ZYG11A: variants seen among roughly 807,000 people sequenced by gnomAD.
ZYG11A encodes the protein protein zyg-11 homolog A.
ZYG11A carries 62 observed loss-of-function variants against 77.2 expected under a neutral mutation model. That is an observed-to-expected ratio of 0.80 (90% CI 0.65 to 0.99). ZYG11A has a LOEUF of 0.99. Ranked by LOEUF, ZYG11A falls within the 50% of genes least tolerant of loss-of-function variation. ZYG11A has a pLI of 0.00. For synonymous variants in ZYG11A, 315 were observed against 324.6 expected, an observed-to-expected ratio of 0.97 and a Z score of 0.32; for missense variants, 828 against 896.8, an observed-to-expected ratio of 0.92 and a Z score of 0.98.
intron 1 of ZYG11A, among the ~76,000 whole-genome samples, chr1:52,847,480 A>C (rs909212290): frequency 6.7e-6 from 1 of 149,700 alleles, no homozygotes; most frequent in South Asian, 2.1e-4. Context: ...GATTACAGGC[A>C]TGACATGAGC....
At chr1:52,876,942 A>G (rs892577473) in intron 8 of ZYG11A, among the ~76,000 whole-genome samples, 2 of 152,292 alleles carry the variant, frequency 1.3e-5, no homozygotes, top group Admixed American at 1.3e-4. Flanking sequence ...ACTTCTTTCT[A>G]GAAATGTTGA....
intron 13 of ZYG11A, among the ~76,000 whole-genome samples, chr1:52,888,138 T>C (rs140273127): frequency 1.3e-5 from 2 of 152,234 alleles, no homozygotes; most frequent in East Asian, 3.9e-4. Context: ...CTTTAACAGG[T>C]AATGAGACAT....
intron 1 of ZYG11A, among the ~76,000 whole-genome samples, chr1:52,844,451 C>T (rs1645523971): frequency 6.6e-6 from 1 of 152,250 alleles, no homozygotes; most frequent in South Asian, 2.1e-4. Context: ...TACAAAAGTA[C>T]TCACACCCAT....
In ZYG11A at chr1:52,857,558, C is replaced by T; in HGVS notation, c.817C>T (p.Leu273=). 1.3e-6 allele frequency: 2 copies of T among 1,552,024 alleles called. No homozygotes were observed. The highest frequency in any genetic ancestry group is 8.7e-7 in the Non-Finnish European group (1 of 1,147,056). The change falls in exon 3 of 14, where the codon CTA becomes TTA. Residue 273 remains leucine, a synonymous_variant. Coordinates refer to ENST00000371528, the MANE Select transcript of ZYG11A (RefSeq NM_001004339.3). ...ISDHRQLKSD[L]AFHLLQQKDI... is the part of the protein sequence containing the mutation. ...TGATCACAGGCAACTCAAATCAGAC[C>T]TAGCTTTTCATTTGCTACAGCAGAA... is the stretch of plus-strand genomic sequence containing the variant.
chr1:52,875,893 G>A (rs929627992), intron 8 of ZYG11A, among the ~76,000 whole-genome samples: 22 of 151,078 alleles, frequency 1.5e-4, no homozygotes, highest in Non-Finnish European at 2.7e-4. Context: ...ACAAGATGGT[G>A]ATTCAAGTTT....
At chr1:52,881,431 C>T (rs1345821356) in intron 10 of ZYG11A, 40 bp from the exon 11 acceptor site, 1 of 1,429,662 alleles carries the variant, frequency 7.0e-7, no homozygotes, top group Non-Finnish European at 9.4e-7. Flanking sequence ...TCTCCCCTCC[C>T]TTCTTGTCTC....
intron 5 of ZYG11A, among the ~76,000 whole-genome samples, 192 bp downstream of exon 5, chr1:52,864,349 A>C (rs1188516242): frequency 6.6e-6 from 1 of 151,646 alleles, no homozygotes; most frequent in East Asian, 1.9e-4. Context: ...GGGTTCAAGC[A>C]ATTCTCCTGC....
chr1:52,890,047 CTGCT>C (rs890652790), intron 13 of ZYG11A, among the ~76,000 whole-genome samples: 1 of 138,950 alleles, frequency 7.2e-6, no homozygotes, highest in Non-Finnish European at 1.5e-5. Context: ...TTGCTCATCA[CTGCT>C]TGTTTTTTTT....
rs1222955119 is a variant in ZYG11A, at chr1:52,857,754, GTTC to G, written c.1008+8_1008+10del. On this transcript the variant is annotated splice_donor_region_variant and intron_variant, in intron 3 of 13. Coordinates refer to ENST00000371528, the MANE Select transcript of ZYG11A (RefSeq NM_001004339.3). Reference sequence around the variant, plus strand: ...ACTACAAAGCAAGGCTTGAGGGTTTGTTCTTATCTGAATAAGTTTTGTTTCATT... The same window carrying G: ...ACTACAAAGCAAGGCTTGAGGGTTTGTTATCTGAATAAGTTTTGTTTCATT... The G allele has an allele frequency of 3.3e-6, 5 of 1,523,008 alleles. No individual in the cohort carries two copies. Among genetic ancestry groups the G allele is most frequent in the Non-Finnish European group, 4.4e-6 (5 of 1,135,626 alleles). The allele number at this position is 1,523,008 out of a possible 1,614,324, so 94.3% of individuals were successfully genotyped here. A position where few individuals can be genotyped will look rare whatever the true frequency, so the allele number is the denominator to read the frequency against.
At chr1:52,846,120 C>A (rs11206033) in intron 1 of ZYG11A, among the ~76,000 whole-genome samples, 10,281 of 151,090 alleles carry the variant, frequency 0.068, 657 homozygotes, top group African/African-American at 0.17. Context: ...CTTTCTCTCC[C>A]TTTCTCCTTC....
chr1:52,858,622 T>A lies in ZYG11A; in HGVS notation c.1008+873T>A, dbSNP rs138713934. ...GCCCGGCCCGATTATTATTATTATT[T>A]TTTTTTGGAGACTGAGTTGTGCTCT... On this transcript the variant is annotated intron_variant, in intron 3 of 13. Coordinates refer to ENST00000371528, the MANE Select transcript of ZYG11A (RefSeq NM_001004339.3). Among the ~76,000 whole-genome samples the A allele has an allele frequency of 7.1e-4, 106 of 148,962 alleles. 1 individual carries two copies. The East Asian group carries it at 9.9e-3, about 14-fold the overall frequency.
intron 11 of ZYG11A, among the ~76,000 whole-genome samples, chr1:52,881,933 T>A (rs945245123): frequency 6.7e-6 from 1 of 150,082 alleles, no homozygotes; most frequent in Non-Finnish European, 1.5e-5. Flanking sequence ...AGGGTCTGTC[T>A]CCCAGGGTGG....
In ZYG11A at chr1:52,842,765, C is replaced by G; in HGVS notation, c.-119C>G. 1.0e-6 allele frequency: 1 copy of G among 963,450 alleles called. No individual in the cohort carries two copies. The highest frequency in any genetic ancestry group is 1.5e-5 in the South Asian group (1 of 64,802). The allele number at this position is 963,450 out of a possible 1,614,324, so 59.7% of individuals were successfully genotyped here. On this transcript the variant is annotated 5_prime_UTR_variant, in exon 1 of 14. Transcript: ENST00000371528. ...GCTCGCCGGCAGGGCGCGGCGCTAG[C>G]TCCGTGTGCCTCGCAGGCGTGGTGG...
At chr1:52,876,082 A>T (rs1030999897) in intron 8 of ZYG11A, among the ~76,000 whole-genome samples, 1 of 152,192 alleles carries the variant, frequency 6.6e-6, no homozygotes, top group Admixed American at 6.5e-5. Flanking sequence ...GTATTTCTCA[A>T]TGAAAAAGAT....
intron 9 of ZYG11A, 40 bp from the exon 10 acceptor site, chr1:52,877,885 T>C (rs1646289943): frequency 1.9e-6 from 3 of 1,551,124 alleles, no homozygotes; most frequent in Non-Finnish European, 2.6e-6. Context: ...GTTCTTCTCT[T>C]CATGATAAAG....
chr1:52,862,460 C>T (rs1458516805), intron 4 of ZYG11A, among the ~76,000 whole-genome samples: 4 of 151,466 alleles, frequency 2.6e-5, no homozygotes, highest in African/African-American at 2.4e-5. Flanking sequence ...TACAGGCGCC[C>T]GTCACCACGC....
chr1:52,892,674 A>G (rs1646566288), intron 13 of ZYG11A, 108 bp from the exon 14 acceptor site: 2 of 976,508 alleles, frequency 2.0e-6, no homozygotes, highest in Non-Finnish European at 3.0e-6. Context: ...TTCCTAGGCC[A>G]AAGAGCTTAA....
intron 13 of ZYG11A, among the ~76,000 whole-genome samples, chr1:52,890,211 C>A: frequency 7.5e-6 from 1 of 132,918 alleles, no homozygotes; most frequent in African/African-American, 2.8e-5. Flanking sequence ...TAGTTACTTA[C>A]TTTATTTTAG....
intron 11 of ZYG11A, among the ~76,000 whole-genome samples, chr1:52,883,437 G>T (rs1173197975): frequency 1.4e-5 from 2 of 147,254 alleles, no homozygotes; most frequent in African/African-American, 2.5e-5. Context: ...TTAAAAAAAA[G>T]ATTTTTTTTT....
Sources: gnomAD v4.1 joint callset for allele counts (sites outside exome capture counted in the v4.1 genomes callset) on GRCh38, gnomAD v4.1.1 for gene constraint, MANE v1.5 for transcripts, NCBI Gene and HGNC (gene_info 2026-07-23, HGNC 2026-07-21) for gene names.